KCNT2: variants seen among roughly 807,000 people sequenced by gnomAD.
KCNT2 encodes the protein potassium sodium-activated channel subfamily T member 2, also known as potassium channel subfamily T member 2.
Under a neutral mutation model 153.8 loss-of-function variants are expected in KCNT2, and 67 were observed. The ratio of observed to expected loss-of-function variants is 0.44; its 90% confidence interval spans 0.36 to 0.53. The LOEUF (loss-of-function observed/expected upper bound fraction) is 0.53, where lower values mean the gene tolerates loss of function less well. Ranked by LOEUF, KCNT2 falls within the 20% of genes least tolerant of loss-of-function variation. KCNT2 has a pLI of 0.00. For missense variants in KCNT2, 975 were observed against 1,354.8 expected (o/e 0.72, Z 4.40); for synonymous variants, 500 against 458.8 (o/e 1.09, Z -1.15).
intron 22 of KCNT2, among the ~76,000 whole-genome samples, chr1:196,299,319 C>T (rs1660963544): frequency 6.6e-6 from 1 of 151,488 alleles, no homozygotes; most frequent in Non-Finnish European, 1.5e-5. Flanking sequence ...GCTGACAAAA[C>T]TGTAGTGGTG....
chr1:196,457,357 A>G (rs897594776), intron 8 of KCNT2, among the ~76,000 whole-genome samples: 2 of 151,824 alleles, frequency 1.3e-5, no homozygotes, highest in Admixed American at 6.6e-5. Context: ...ATTATTATCT[A>G]CATATTATGG....
intron 26 of KCNT2, among the ~76,000 whole-genome samples, chr1:196,237,207 A>T (rs1220895505): frequency 1.3e-5 from 2 of 151,756 alleles, no homozygotes; most frequent in Non-Finnish European, 3.0e-5. Context: ...TATAAATTAC[A>T]TTCATAAAAT....
At chr1:196,527,169 G>C (rs1031938299) in intron 1 of KCNT2, among the ~76,000 whole-genome samples, 1 of 152,154 alleles carries the variant, frequency 6.6e-6, no homozygotes, top group South Asian at 2.1e-4. Context: ...GTGCCAAAAA[G>C]GTTGGGGACC....
intron 26 of KCNT2, chr1:196,257,337 A>G: frequency 1.0e-6 from 1 of 981,414 alleles, no homozygotes; most frequent in Non-Finnish European, 1.2e-6. Context: ...ATTTCTTCCT[A>G]AGAACATTGC....
intron 1 of KCNT2, among the ~76,000 whole-genome samples, chr1:196,505,625 T>G (rs1159590082): frequency 6.6e-6 from 1 of 152,136 alleles, no homozygotes; most frequent in African/African-American, 2.4e-5. Context: ...GTGAAGAAAG[T>G]CATTGGTAGC....
In KCNT2 at chr1:196,472,600, G is replaced by A. The variant is rs527725606; in HGVS notation, c.385-3532C>T. 5.1e-4 allele frequency among the ~76,000 whole-genome samples: 78 copies of A among 152,160 alleles called. 2 individuals carry two copies. The highest frequency in any genetic ancestry group is 1.2e-4 in the African/African-American group (5 of 41,522). ...GCTTAATCCACTGATTCACATCAGC[G>A]CCTCTAAAGCACTTTATATATAGTA... On this transcript the variant is annotated intron_variant, in intron 5 of 27. Coordinates refer to ENST00000294725, the MANE Select transcript of KCNT2 (RefSeq NM_198503.5).
chr1:196,548,562 G>A (rs1160859743), intron 1 of KCNT2, among the ~76,000 whole-genome samples: 4 of 151,996 alleles, frequency 2.6e-5, no homozygotes, highest in Non-Finnish European at 4.4e-5. Context: ...TGGTGGGACT[G>A]TAAACTAGTT....
chr1:196,538,334 C>T (rs532600575), intron 1 of KCNT2, among the ~76,000 whole-genome samples: 1 of 152,216 alleles, frequency 6.6e-6, no homozygotes, highest in South Asian at 2.1e-4. Context: ...AAGGCTCACC[C>T]AGCTGGGGAT....
At chr1:196,452,991 G>A (rs1273910859) in intron 8 of KCNT2, among the ~76,000 whole-genome samples, 2 of 151,920 alleles carry the variant, frequency 1.3e-5, no homozygotes, top group South Asian at 2.1e-4. Context: ...GAACCCTGTC[G>A]CCCAGTGAGG....
chr1:196,452,256 G>C lies in KCNT2; in HGVS notation c.638+13037C>G, dbSNP rs183960620. ...GCTACTATCACATTACCACTTCATT[G>C]CTATAAGCTGCCTTTGAATGAATCC... is the stretch of plus-strand genomic sequence containing the variant. On this transcript the variant is annotated intron_variant, in intron 8 of 27. Coordinates refer to ENST00000294725, the MANE Select transcript of KCNT2 (RefSeq NM_198503.5). 3.2e-3 allele frequency among the ~76,000 whole-genome samples: 479 copies of C among 152,036 alleles called. 1 individual carries two copies. Among genetic ancestry groups the C allele is most frequent in the Non-Finnish European group, 5.7e-3 (390 of 67,924 alleles).
intron 13 of KCNT2, among the ~76,000 whole-genome samples, chr1:196,384,685 T>C: frequency 8.3e-6 from 1 of 120,984 alleles, no homozygotes; most frequent in African/African-American, 3.3e-5. Context: ...GCAGCCTGGG[T>C]GACAGAGTGA....
intron 1 of KCNT2, among the ~76,000 whole-genome samples, chr1:196,545,021 C>A (rs1247113057): frequency 6.6e-6 from 1 of 152,026 alleles, no homozygotes; most frequent in Non-Finnish European, 1.5e-5. Context: ...AAACATTAAT[C>A]CTCATTCTTA....
intron 25 of KCNT2, among the ~76,000 whole-genome samples, chr1:196,264,152 A>T (rs1475219381): frequency 1.3e-5 from 2 of 152,198 alleles, no homozygotes; most frequent in African/African-American, 4.8e-5. Flanking sequence ...CTTTAAGCAC[A>T]GAAAAATCTT....
At chr1:196,270,123 T>G (rs981294035) in intron 25 of KCNT2, among the ~76,000 whole-genome samples, 5 of 152,044 alleles carry the variant, frequency 3.3e-5, no homozygotes, top group African/African-American at 1.2e-4. Context: ...TAAAAGTTAA[T>G]GCAAATTTTA....
chr1:196,248,833 A>C (rs1356302479), intron 26 of KCNT2, among the ~76,000 whole-genome samples: 1 of 152,156 alleles, frequency 6.6e-6, no homozygotes. Flanking sequence ...AAACCAAATA[A>C]AGATACATCG....
chr1:196,463,249 T>C (rs1307372526), intron 8 of KCNT2, among the ~76,000 whole-genome samples: 1 of 151,834 alleles, frequency 6.6e-6, no homozygotes, highest in Non-Finnish European at 1.5e-5. Context: ...TGACATACTA[T>C]GACTAAGATA....
chr1:196,296,401 A>G (rs1356895630), intron 22 of KCNT2, among the ~76,000 whole-genome samples: 2 of 151,996 alleles, frequency 1.3e-5, no homozygotes, highest in Non-Finnish European at 2.9e-5. Context: ...CAATGAATAT[A>G]TTACAAATAT....
At chr1:196,595,177 G>T (rs1029100374) in intron 1 of KCNT2, among the ~76,000 whole-genome samples, 4 of 151,950 alleles carry the variant, frequency 2.6e-5, no homozygotes, top group Non-Finnish European at 5.9e-5. Flanking sequence ...ACCTAATTGA[G>T]GAGGGAATTT....
At chr1:196,287,213 G>A (rs1659749562) in intron 22 of KCNT2, among the ~76,000 whole-genome samples, 1 of 152,084 alleles carries the variant, frequency 6.6e-6, no homozygotes, top group Non-Finnish European at 1.5e-5. Flanking sequence ...GGTGTGAAGA[G>A]TGCTTAACTT....
Sources: gnomAD v4.1 joint callset for allele counts (sites outside exome capture counted in the v4.1 genomes callset) on GRCh38, gnomAD v4.1.1 for gene constraint, MANE v1.5 for transcripts, NCBI Gene and HGNC (gene_info 2026-07-23, HGNC 2026-07-21) for gene names.